The following EHBP1 variants were observed in gnomAD, a reference collection of about 807,000 sequenced individuals.
The protein encoded by EHBP1 is EH domain binding protein 1, also known as EH domain-binding protein 1.
Under a neutral mutation model 144.0 loss-of-function variants are expected in EHBP1, and 55 were observed. The observed-to-expected ratio is 0.38, with a 90% CI of 0.31 to 0.48. The LOEUF is 0.48. Ranked by LOEUF, EHBP1 falls within the 20% of genes least tolerant of loss-of-function variation. The probability of loss-of-function intolerance (pLI) is 0.98; values close to 1 mark genes in which losing one functional copy is unlikely to be tolerated. For missense variants in EHBP1, 1,200 were observed against 1,364.2 expected (o/e 0.88, Z 1.90); for synonymous variants, 469 against 472.7 (o/e 0.99, Z 0.10).
intron 19 of EHBP1, among the ~76,000 whole-genome samples, chr2:62,997,218 AT>A (rs891070932): frequency 1.3e-5 from 2 of 151,366 alleles, no homozygotes; most frequent in Admixed American, 6.6e-5. Flanking sequence ...ATGCTCCACA[AT>A]TTTTTTTTCA....
At chr2:62,709,421 TTTTAATC>T (rs1012585746) in intron 2 of EHBP1, among the ~76,000 whole-genome samples, 7 of 152,208 alleles carry the variant, frequency 4.6e-5, no homozygotes, top group African/African-American at 1.7e-4. Flanking sequence ...GATGGTTAAA[TTTTAATC>T]TTTTTCTTAA....
At chr2:62,870,966 C>G (rs1175078029) in intron 9 of EHBP1, among the ~76,000 whole-genome samples, 1 of 151,992 alleles carries the variant, frequency 6.6e-6, no homozygotes, top group Non-Finnish European at 1.5e-5. Context: ...TCATCTGATT[C>G]TAAACCCAAA....
chr2:62,775,197 G>A (rs1326604039), intron 5 of EHBP1, among the ~76,000 whole-genome samples: 1 of 152,072 alleles, frequency 6.6e-6, no homozygotes, highest in Non-Finnish European at 1.5e-5. Flanking sequence ...TGTAAGGTAT[G>A]GGAAAGTTTT....
intron 7 of EHBP1, 133 bp downstream of exon 7, chr2:62,831,291 A>G (rs1368325363): frequency 2.4e-6 from 2 of 821,624 alleles, no homozygotes; most frequent in Non-Finnish European, 1.8e-6. Context: ...CTACAATAAA[A>G]TATACCATTT....
intron 19 of EHBP1, among the ~76,000 whole-genome samples, chr2:62,997,428 ATGTGTGTGTGTGTGTGTG>A (rs70962800): frequency 4.4e-5 from 4 of 90,554 alleles, no homozygotes; most frequent in Admixed American, 2.2e-4. Context: ...AAAGGAACTC[ATGTGTGTGTGTGTGTGTG>A]TGTGTGTGTG....
chr2:62,953,338 A>C (rs997235252), intron 13 of EHBP1, among the ~76,000 whole-genome samples: 1 of 152,012 alleles, frequency 6.6e-6, no homozygotes, highest in African/African-American at 2.4e-5. Flanking sequence ...AAATAAGACA[A>C]GTTAACTAAC....
At chr2:62,701,383 A>G (rs1035491101), upstream of EHBP1, among the ~76,000 whole-genome samples, 3 of 152,198 alleles carry the variant, frequency 2.0e-5, no homozygotes, top group Non-Finnish European at 4.4e-5. Flanking sequence ...TTTTATACTT[A>G]TAGCACATCT....
chr2:63,006,557 C>T (rs2153231910), intron 19 of EHBP1, among the ~76,000 whole-genome samples: 1 of 151,952 alleles, frequency 6.6e-6, no homozygotes. Context: ...TACCCTGTTG[C>T]TTAAACGTGA....
chr2:63,045,510 CAGAA>C lies in EHBP1; in HGVS notation c.*15_*18del. 6.2e-7 allele frequency: 1 copy of C among 1,601,524 alleles called. No homozygotes were observed. The highest frequency in any genetic ancestry group is 1.1e-5 in the South Asian group (1 of 90,046). On this transcript the variant is annotated 3_prime_UTR_variant, in exon 23 of 23. Coordinates refer to ENST00000431489, the MANE Select transcript of EHBP1 (RefSeq NM_001142616.3). The surrounding 1 kb of genome is among the most constrained non-coding windows in gnomAD (Gnocchi z 5.7). The stretch of plus-strand genomic sequence containing the variant: ...ATGTGTTCTTCAGTAGCCATCAGAT[CAGAA>C]AGAATCTCTCCCAACATTTTAGAGT...
At chr2:62,904,621 G>A (rs1208096637) in intron 10 of EHBP1, among the ~76,000 whole-genome samples, 1 of 152,172 alleles carries the variant, frequency 6.6e-6, no homozygotes, top group Non-Finnish European at 1.5e-5. Flanking sequence ...GTGTGGAACA[G>A]GAGCCCTGCC....
intron 1 of EHBP1, among the ~76,000 whole-genome samples, chr2:62,688,199 G>C (rs1312938667): frequency 2.0e-5 from 3 of 152,164 alleles, no homozygotes; most frequent in African/African-American, 7.2e-5. Context: ...CCAATAGCAT[G>C]AGAGAGTAAT....
chr2:62,984,839 C>A (rs1276571370), intron 15 of EHBP1, among the ~76,000 whole-genome samples: 1 of 152,088 alleles, frequency 6.6e-6, no homozygotes, highest in African/African-American at 2.4e-5. Context: ...TAAATGGCAC[C>A]TGTTTAACAT....
intron 19 of EHBP1, among the ~76,000 whole-genome samples, chr2:63,002,640 T>G (rs2059894037): frequency 1.3e-5 from 2 of 151,988 alleles, no homozygotes; most frequent in Non-Finnish European, 2.9e-5. Context: ...ATTTGCTCTG[T>G]GAATGAGTAA....
chr2:62,955,742 C>T, intron 14 of EHBP1, 82 bp downstream of exon 14: 1 of 1,465,050 alleles, frequency 6.8e-7, no homozygotes, highest in South Asian at 1.4e-5. Flanking sequence ...TGTATTTCTG[C>T]TATGTTATTT....
intron 1 of EHBP1, among the ~76,000 whole-genome samples, chr2:62,681,328 G>GTA (rs2033507471): frequency 4.3e-5 from 1 of 23,092 alleles, no homozygotes; most frequent in Non-Finnish European, 7.2e-5. Flanking sequence ...ATATTTGTAT[G>GTA]TATGTGTGTG....
chr2:62,810,862 C>T (rs928665125), intron 5 of EHBP1, among the ~76,000 whole-genome samples: 9 of 152,098 alleles, frequency 5.9e-5, no homozygotes, highest in Non-Finnish European at 7.4e-5. Flanking sequence ...TTGTTGCTTT[C>T]TTTTGGGAAC....
chr2:62,779,882 G>A (rs946458465), intron 5 of EHBP1, among the ~76,000 whole-genome samples: 1 of 151,728 alleles, frequency 6.6e-6, no homozygotes. Flanking sequence ...CACGTCTCCC[G>A]GCTCAATAAT....
chr2:62,962,465 T>C (rs1267193698), intron 14 of EHBP1, among the ~76,000 whole-genome samples: 4 of 152,250 alleles, frequency 2.6e-5, no homozygotes, highest in Non-Finnish European at 4.4e-5. Context: ...TATACTTGTA[T>C]AGGTATCTGA....
At chr2:63,026,811 C>T (rs574554080) in intron 19 of EHBP1, among the ~76,000 whole-genome samples, 24 of 152,290 alleles carry the variant, frequency 1.6e-4, no homozygotes, top group African/African-American at 5.5e-4. Context: ...AGGTTGACTC[C>T]TCCTATGAAG....
Sources: gnomAD v4.1 joint callset for allele counts (sites outside exome capture counted in the v4.1 genomes callset) on GRCh38, gnomAD v4.1.1 for gene constraint, Gnocchi (gnomAD v3.1) non-coding constraint, MANE v1.5 for transcripts, NCBI Gene and HGNC (gene_info 2026-07-23, HGNC 2026-07-21) for gene names.